Variants in ZNF248 observed in about 807,000 individuals in gnomAD.
ZNF248 encodes the protein zinc finger protein 248, also known as KRAB protein domain.
ZNF248 carries 20 observed loss-of-function variants against 44.3 expected under a neutral mutation model. The ratio of observed to expected loss-of-function variants is 0.45; its 90% CI spans 0.32 to 0.66. ZNF248 has a LOEUF of 0.66. Ranked by LOEUF, ZNF248 falls within the 30% of genes least tolerant of loss-of-function variation. ZNF248 has a pLI of 0.04. For synonymous variants in ZNF248, 224 were observed against 229.0 expected (o/e 0.98, Z 0.20); for missense variants, 654 against 677.0 (o/e 0.97, Z 0.38).
At chr10:37,817,375 TA>T (rs35493240) in intron 6 of ZNF248, among the ~76,000 whole-genome samples, 52,071 of 150,590 alleles carry the variant, frequency 0.35, 9,274 homozygotes, top group East Asian at 0.45. Flanking sequence ...CCTTTATTTT[TA>T]AAAAAAAAAT....
At chr10:37,808,867 C>T (rs889672402) in intron 6 of ZNF248, among the ~76,000 whole-genome samples, 1 of 148,938 alleles carries the variant, frequency 6.7e-6, no homozygotes, top group Non-Finnish European at 1.5e-5. Flanking sequence ...ATTTCTTTGT[C>T]AAGAGTTTTT....
intron 6 of ZNF248, among the ~76,000 whole-genome samples, chr10:37,785,173 A>G (rs557883387): frequency 1.1e-4 from 16 of 152,312 alleles, no homozygotes; most frequent in African/African-American, 2.6e-4. Flanking sequence ...GTGGTATAAC[A>G]TAACACTGTG....
the ZNF248 span, among the ~76,000 whole-genome samples, chr10:37,763,975 C>T: frequency 6.6e-6 from 1 of 152,088 alleles, no homozygotes; most frequent in Non-Finnish European, 1.5e-5. Flanking sequence ...GTTAACTGCA[C>T]AAATTGTTTA....
the ZNF248 span, among the ~76,000 whole-genome samples, chr10:37,766,874 GA>G: frequency 1.3e-5 from 2 of 151,822 alleles, no homozygotes; most frequent in Non-Finnish European, 2.9e-5. Context: ...TAAAAACTGT[GA>G]AAAAAAATTA....
At chr10:37,801,997 A>G (rs1054345657) in intron 6 of ZNF248, among the ~76,000 whole-genome samples, 4 of 152,334 alleles carry the variant, frequency 2.6e-5, no homozygotes, top group Admixed American at 1.3e-4. Flanking sequence ...TTGATGAGAA[A>G]GATCAAAAAT....
chr10:37,764,554 G>A, the ZNF248 span, among the ~76,000 whole-genome samples: 11 of 152,204 alleles, frequency 7.2e-5, no homozygotes, highest in African/African-American at 2.4e-4. Context: ...AAAACTTGCT[G>A]GTTTTGTGGC....
chr10:37,820,103 TCTG>T, intron 6 of ZNF248: 1 of 902,954 alleles, frequency 1.1e-6, no homozygotes, highest in Non-Finnish European at 1.9e-6. Context: ...TGTTCATCAA[TCTG>T]CTGTGTCAAA....
At chr10:37,853,599 C>T (rs561625278) in intron 3 of ZNF248, among the ~76,000 whole-genome samples, 33 of 152,160 alleles carry the variant, frequency 2.2e-4, no homozygotes, top group African/African-American at 8.0e-4. Flanking sequence ...AGGCTGGTCG[C>T]GAACTCCCGA....
At chr10:37,847,859 T>C (rs1458714652) in intron 3 of ZNF248, among the ~76,000 whole-genome samples, 1 of 152,206 alleles carries the variant, frequency 6.6e-6, no homozygotes, top group Non-Finnish European at 1.5e-5. Flanking sequence ...GTTAATATAT[T>C]ACTTTCTCAC....
chr10:37,852,531 C>T (rs531720994), intron 3 of ZNF248, among the ~76,000 whole-genome samples: 31 of 151,522 alleles, frequency 2.0e-4, no homozygotes, highest in African/African-American at 7.5e-4. Flanking sequence ...ATAAAAAGGG[C>T]AACAGGAGAG....
At chr10:37,772,269 A>G (rs2046281229), downstream of ZNF248, among the ~76,000 whole-genome samples, 3 of 152,050 alleles carry the variant, frequency 2.0e-5, no homozygotes, top group Admixed American at 2.0e-4. Flanking sequence ...TCTCAAGAAA[A>G]AAAAAAAAAA....
intron 4 of ZNF248, 112 bp downstream of exon 4, chr10:37,837,873 T>C (rs2057538782): frequency 6.9e-7 from 1 of 1,454,750 alleles, no homozygotes; most frequent in Non-Finnish European, 9.4e-7. Context: ...GGTGGCCAAA[T>C]GGGATCAGTC....
At chr10:37,845,696 G>T (rs1265395092) in intron 3 of ZNF248, among the ~76,000 whole-genome samples, 2 of 151,922 alleles carry the variant, frequency 1.3e-5, no homozygotes, top group African/African-American at 4.8e-5. Flanking sequence ...ACCCAAACTA[G>T]AACTATGAAA....
chr10:37,807,762 G>A (rs936227289), intron 6 of ZNF248, among the ~76,000 whole-genome samples: 1 of 151,948 alleles, frequency 6.6e-6, no homozygotes. Context: ...CTGCTCCTTT[G>A]CTGAGTCCAT....
intron 3 of ZNF248, among the ~76,000 whole-genome samples, chr10:37,855,479 G>A (rs1008402405): frequency 4.6e-5 from 7 of 152,136 alleles, no homozygotes; most frequent in African/African-American, 1.7e-4. Flanking sequence ...AACAGACCGA[G>A]AAGAACCTAA....
intron 6 of ZNF248, among the ~76,000 whole-genome samples, chr10:37,817,376 A>T (rs1779011): frequency 0.013 from 541 of 42,184 alleles, 1 homozygote; most frequent in Middle Eastern, 0.051. Context: ...CTTTATTTTT[A>T]AAAAAAAAAT....
chr10:37,829,228 T>A lies in ZNF248; in HGVS notation c.*2387A>T, dbSNP rs1230764206. ...CCTCCTTCATGACAGCAGTTCTTAC[T>A]GGGCTCTGGTAACACTGTTTCCCTC... On this transcript the variant is annotated 3_prime_UTR_variant, in exon 6 of 6. Transcript: ENST00000395867. The A allele has an allele frequency of 1.0e-6, 1 of 985,372 alleles. No individual in the cohort carries two copies. The highest frequency in any genetic ancestry group is 1.1e-4 in the East Asian group (1 of 8,818). The allele number at this position is 985,372 out of a possible 1,614,324, so 61.0% of individuals were successfully genotyped here.
chr10:37,806,773 C>A (rs1486793003), intron 6 of ZNF248, among the ~76,000 whole-genome samples: 1 of 151,606 alleles, frequency 6.6e-6, no homozygotes, highest in East Asian at 1.9e-4. Context: ...TCTATTTTTT[C>A]TTTTGTGGCT....
intron 5 of ZNF248, among the ~76,000 whole-genome samples, chr10:37,833,826 G>C (rs1457701196): frequency 6.6e-6 from 1 of 152,080 alleles, no homozygotes; most frequent in African/African-American, 2.4e-5. Flanking sequence ...GATATTCTGA[G>C]AGCTGTTCTT....
Sources: allele counts gnomAD v4.1 joint callset (sites outside exome capture counted in the v4.1 genomes callset), GRCh38; gene constraint gnomAD v4.1.1; transcripts MANE v1.5; gene names NCBI Gene and HGNC (gene_info 2026-07-23, HGNC 2026-07-21).